Variants in NFKB1 observed in about 807,000 individuals in gnomAD.
NFKB1 encodes the protein nuclear factor NF-kappa-B p105 subunit.
NFKB1 carries 9 observed loss-of-function variants against 105.1 expected under a neutral mutation model. That is an observed-to-expected ratio of 0.09 (90% CI 0.05 to 0.15). The LOEUF (loss-of-function observed/expected upper bound fraction) is 0.15. NFKB1 is among the 10% of genes least tolerant of loss of function. The pLI, the probability that NFKB1 is intolerant of heterozygous loss-of-function variation, is 1.00. For missense variants in NFKB1, 830 were observed against 1,203.7 expected, an observed-to-expected ratio of 0.69 and a Z score of 4.59; for synonymous variants, 440 against 442.2, an observed-to-expected ratio of 1.00 and a Z score of 0.06.
At chr4:102,544,222 T>C (rs1721956019) in intron 5 of NFKB1, among the ~76,000 whole-genome samples, 1 of 152,226 alleles carries the variant, frequency 6.6e-6, no homozygotes, top group South Asian at 2.1e-4. Flanking sequence ...CACTTTAGCT[T>C]TTTGATAGCA....
chr4:102,533,973 A>G (rs1336784506), intron 4 of NFKB1, 88 bp downstream of exon 4: 9 of 1,120,802 alleles, frequency 8.0e-6, no homozygotes, highest in South Asian at 2.8e-5. Context: ...AATGAGTTCT[A>G]TGAAGGAAGT....
At chr4:102,591,232 G>T (rs1726141408) in intron 11 of NFKB1, among the ~76,000 whole-genome samples, 2 of 152,132 alleles carry the variant, frequency 1.3e-5, no homozygotes, top group Admixed American at 1.3e-4. Flanking sequence ...ATTGGAAGAA[G>T]ATGCCATCTA....
intron 5 of NFKB1, among the ~76,000 whole-genome samples, chr4:102,542,085 C>G (rs1026981564): frequency 1.3e-5 from 2 of 152,146 alleles, no homozygotes; most frequent in Non-Finnish European, 2.9e-5. Context: ...ATGGGTTACT[C>G]TCTTACTGAT....
At chr4:102,525,254 A>C (rs1407419297) in intron 1 of NFKB1, among the ~76,000 whole-genome samples, 1 of 137,590 alleles carries the variant, frequency 7.3e-6, no homozygotes, top group African/African-American at 2.4e-5. Context: ...TACCAAACTC[A>C]GGACACTGTG....
chr4:102,608,159 A>G (rs1294658313), intron 19 of NFKB1, among the ~76,000 whole-genome samples: 3 of 152,250 alleles, frequency 2.0e-5, no homozygotes, highest in Non-Finnish European at 4.4e-5. Context: ...TGAAAGAAAT[A>G]TCTCTTAGAA....
At chr4:102,555,661 A>C (rs1364012319) in intron 5 of NFKB1, among the ~76,000 whole-genome samples, 1 of 152,244 alleles carries the variant, frequency 6.6e-6, no homozygotes, top group East Asian at 1.9e-4. Flanking sequence ...AGCACAGCAG[A>C]AAAAGCAGCA....
In NFKB1 at chr4:102,515,104, A is replaced by ATTTT. The variant is rs761237095; in HGVS notation, c.-7-10406_-7-10405insTTTT. Among the ~76,000 whole-genome samples, 1,000 of 112,968 alleles carry ATTTT rather than the reference A, an allele frequency of 8.9e-3. 47 individuals carry two copies. Among genetic ancestry groups the ATTTT allele is most frequent in the East Asian group, 0.019 (70 of 3,766 alleles). 74.1% of individuals were successfully genotyped at this position (112,968 alleles called of 152,430 possible). On this transcript the variant is annotated intron_variant, in intron 1 of 23. Coordinates refer to ENST00000226574, the MANE Select transcript of NFKB1 (RefSeq NM_003998.4). The stretch of plus-strand genomic sequence containing the variant: ...AGTTCCATGTAATATTATTATTATT[A>ATTTT]TTATTTTTTTTTTTTTTTTTTTTTG...
At chr4:102,507,450 T>TG (rs1462504627) in intron 1 of NFKB1, among the ~76,000 whole-genome samples, 24 of 152,174 alleles carry the variant, frequency 1.6e-4, no homozygotes, top group African/African-American at 5.8e-4. Flanking sequence ...ACCTTTTTTT[T>TG]GTAATTTATT....
At chr4:102,518,895 A>G (rs1740380797) in intron 1 of NFKB1, among the ~76,000 whole-genome samples, 1 of 152,208 alleles carries the variant, frequency 6.6e-6, no homozygotes, top group Non-Finnish European at 1.5e-5. Flanking sequence ...CAAGAAAGCA[A>G]GAATGATCAT....
chr4:102,613,905 C>T (rs1728682678), intron 23 of NFKB1, among the ~76,000 whole-genome samples: 1 of 152,138 alleles, frequency 6.6e-6, no homozygotes, highest in African/African-American at 2.4e-5. Context: ...AGAGAACCAT[C>T]TCCTTCTTCC....
chr4:102,567,083 T>A lies in NFKB1; in HGVS notation c.355T>A (p.Cys119Ser). Residue 119 changes from cysteine (C) to serine (S), a missense_variant, in exon 6 of 24, where the codon TGT (cysteine) becomes AGT (serine). Cys to Ser is a moderately radical substitution (Grantham distance 112, BLOSUM62 -1). Around this residue, in one of 8 missense-constraint regions of NFKB1, gnomAD observed 64 missense variants for 79.9 expected, o/e 0.80. Transcript: ENST00000226574. Reference sequence around the variant, plus strand: ...TGCCCACAGCCTGGTGGGAAAACACTGTGAGGATGGGATCTGCACTGTAAC... The same window carrying A: ...TGCCCACAGCCTGGTGGGAAAACACAGTGAGGATGGGATCTGCACTGTAAC... Reference protein sequence around the residue: ...LHAHSLVGKHCEDGICTVTAG... With the variant: ...LHAHSLVGKHSEDGICTVTAG... 2 of 1,613,938 alleles carry A rather than the reference T, an allele frequency of 1.2e-6. No individual in the cohort carries two copies. The highest frequency in any genetic ancestry group is 1.7e-6 in the Non-Finnish European group (2 of 1,179,862).
intron 5 of NFKB1, among the ~76,000 whole-genome samples, chr4:102,556,354 C>A (rs1345136536): frequency 6.6e-6 from 1 of 152,130 alleles, no homozygotes; most frequent in Non-Finnish European, 1.5e-5. Context: ...GTAGACAATT[C>A]AATCCAGGAG....
rs149298064 is a variant in NFKB1 at position 102,521,121 on chromosome 4, T to G, written c.-7-4391T>G. ...ATCTGTTATCAAAGGACATACAGAT[T>G]ATTTCCAGTTCCTTGCTGCAGTGAA... On this transcript the variant is annotated intron_variant, in intron 1 of 23. Coordinates refer to ENST00000226574, the MANE Select transcript of NFKB1 (RefSeq NM_003998.4). 3.5e-3 allele frequency among the ~76,000 whole-genome samples: 540 copies of G among 152,336 alleles called. 2 individuals carry two copies. Among genetic ancestry groups the G allele is most frequent in the Non-Finnish European group, 6.4e-3 (433 of 68,028 alleles).
intron 5 of NFKB1, among the ~76,000 whole-genome samples, chr4:102,539,991 C>A (rs149972983): frequency 1.4e-4 from 21 of 152,222 alleles, no homozygotes; most frequent in East Asian, 1.2e-3. Context: ...CAGCACTTAC[C>A]TTTTTAACAC....
chr4:102,602,470 C>T (rs1347415852), intron 16 of NFKB1, among the ~76,000 whole-genome samples: 2 of 151,004 alleles, frequency 1.3e-5, no homozygotes, highest in African/African-American at 4.9e-5. Context: ...AACCTGGAGG[C>T]TGAGCTTGCA....
intron 12 of NFKB1, 103 bp from the exon 13 acceptor site, chr4:102,594,789 G>A: frequency 2.6e-6 from 2 of 761,290 alleles, no homozygotes; most frequent in South Asian, 1.8e-5. Flanking sequence ...ATACTGTCCT[G>A]TCACACCAAA....
intron 5 of NFKB1, among the ~76,000 whole-genome samples, chr4:102,563,756 C>T (rs1412370959): frequency 1.3e-5 from 2 of 151,576 alleles, no homozygotes. Context: ...TACAGTGTCC[C>T]TGGGTAGCTG....
intron 5 of NFKB1, among the ~76,000 whole-genome samples, chr4:102,554,343 A>G (rs1048319532): frequency 6.6e-6 from 1 of 152,236 alleles, no homozygotes; most frequent in African/African-American, 2.4e-5. Context: ...TAAGCTTAAT[A>G]TGCCACATTT....
chr4:102,562,478 G>A (rs771581894), intron 5 of NFKB1, among the ~76,000 whole-genome samples: 1 of 152,094 alleles, frequency 6.6e-6, no homozygotes, highest in African/African-American at 2.4e-5. Flanking sequence ...AACATAGGAC[G>A]GGCTTTAAAT....
Sources: gnomAD v4.1 joint callset for allele counts (sites outside exome capture counted in the v4.1 genomes callset) on GRCh38, gnomAD v4.1.1 for gene constraint, gnomAD v4.1.1 regional missense constraint, MANE v1.5 for transcripts, NCBI Gene and HGNC (gene_info 2026-07-23, HGNC 2026-07-21) for gene names.